PLEKHM3: variants seen among roughly 807,000 people sequenced by gnomAD.
PLEKHM3 encodes pleckstrin homology domain-containing family M member 3.
A neutral mutation model predicts 81.8 loss-of-function variants in PLEKHM3; 45 were observed. The ratio of observed to expected loss-of-function variants is 0.55; its 90% CI spans 0.43 to 0.71. The LOEUF is 0.71. PLEKHM3 is among the 30% of genes least tolerant of loss of function. The probability of loss-of-function intolerance (pLI) is 0.00; values close to 1 mark genes in which losing one functional copy is unlikely to be tolerated. For synonymous variants in PLEKHM3, 352 were observed against 356.4 expected, an observed-to-expected ratio of 0.99 and a Z score of 0.14; for missense variants, 788 against 924.3, an observed-to-expected ratio of 0.85 and a Z score of 1.91.
At chr2:207,969,921 G>C (rs1187005201) in intron 3 of PLEKHM3, among the ~76,000 whole-genome samples, 19 of 152,114 alleles carry the variant, frequency 1.2e-4, no homozygotes, top group Admixed American at 1.2e-3. Context: ...TAAAATCTTA[G>C]TGCAAAGGCT....
chr2:207,908,437 C>T (rs536547990), intron 6 of PLEKHM3, 77 bp downstream of exon 6: 185 of 1,338,186 alleles, frequency 1.4e-4, no homozygotes, highest in Middle Eastern at 3.6e-4. Context: ...TGGCAGAATA[C>T]GGTGCAAAGA....
At chr2:208,017,929 C>A (rs1222932584) in intron 1 of PLEKHM3, among the ~76,000 whole-genome samples, 1 of 152,182 alleles carries the variant, frequency 6.6e-6, no homozygotes, top group Non-Finnish European at 1.5e-5. Context: ...CCTCCCACTA[C>A]CCTCTATGGG....
In PLEKHM3 at chr2:208,001,414, A is replaced by G. The variant is rs1299583926; in HGVS notation, c.226T>C (p.Cys76Arg). 6.2e-7 allele frequency: 1 copy of G among 1,614,192 alleles called. No individual in the cohort carries two copies. Among genetic ancestry groups the G allele is most frequent in the South Asian group, 1.1e-5 (1 of 91,082 alleles). Reference protein sequence around the residue: ...LGKGGMIWDHCKSRLLETKAQ... With the variant: ...LGKGGMIWDHRKSRLLETKAQ... ...TTGGTTTCTAAGAGCCTGCTCTTAC[A>G]GTGGTCCCAAATCATGCCCCCCTTG... The change falls in exon 2 of 8, where the codon TGT becomes CGT. Residue 76 changes from cysteine (C) to arginine (R), a missense_variant. Transcript: ENST00000427836.
chr2:207,924,065 CCTG>C (rs1487263096), intron 5 of PLEKHM3, among the ~76,000 whole-genome samples: 3 of 150,566 alleles, frequency 2.0e-5, no homozygotes, highest in African/African-American at 4.9e-5. Flanking sequence ...GCCACCATGC[CCTG>C]CTAATTTTTG....
At chr2:207,830,930 A>T (rs1559198628) in intron 7 of PLEKHM3, among the ~76,000 whole-genome samples, 1 of 152,192 alleles carries the variant, frequency 6.6e-6, no homozygotes, top group Non-Finnish European at 1.5e-5. Context: ...CTTCCGTGTG[A>T]CAGTCTGAGC....
At chr2:207,981,127 C>CAAA (rs553157217) in intron 2 of PLEKHM3, among the ~76,000 whole-genome samples, 1 of 73,500 alleles carries the variant, frequency 1.4e-5, no homozygotes, top group Non-Finnish European at 2.7e-5. Context: ...GACTCCATCT[C>CAAA]AAAAAAAAAA....
chr2:207,829,710 G>C (rs1285906680), intron 7 of PLEKHM3, among the ~76,000 whole-genome samples: 1 of 152,112 alleles, frequency 6.6e-6, no homozygotes, highest in Non-Finnish European at 1.5e-5. Context: ...AGGAGCCCAG[G>C]GAATTGCACC....
chr2:207,895,753 T>C (rs1225340013), intron 6 of PLEKHM3, among the ~76,000 whole-genome samples: 2 of 152,222 alleles, frequency 1.3e-5, no homozygotes, highest in East Asian at 3.9e-4. Flanking sequence ...CTTCTGCATG[T>C]TCTTACTGGC....
At position 207,852,375 on chromosome 2, in the gene PLEKHM3, G is replaced by A. The variant is rs774966696; in HGVS notation, c.2108+8730C>T. ...AATTAGATAAGATATGTAAGTTGCT[G>A]GCACTAGTACTAATAAATGTTAGTG... On this transcript the variant is annotated intron_variant, in intron 7 of 7. Coordinates refer to ENST00000427836, the MANE Select transcript of PLEKHM3 (RefSeq NM_001080475.3). 1.2e-3 allele frequency among the ~76,000 whole-genome samples: 181 copies of A among 152,238 alleles called. 1 individual carries two copies. The highest frequency in any genetic ancestry group is 4.9e-3 in the Admixed American group (75 of 15,296).
intron 6 of PLEKHM3, among the ~76,000 whole-genome samples, chr2:207,897,994 C>G (rs1221493563): frequency 6.6e-6 from 1 of 152,198 alleles, no homozygotes; most frequent in Non-Finnish European, 1.5e-5. Flanking sequence ...TTGTGTGTGT[C>G]CACTTTCAGA....
intron 6 of PLEKHM3, among the ~76,000 whole-genome samples, chr2:207,878,751 C>T (rs1000362074): frequency 6.6e-6 from 1 of 152,176 alleles, no homozygotes; most frequent in South Asian, 2.1e-4. Flanking sequence ...CTTGGAAGTA[C>T]AGAGTAGGGA....
chr2:207,884,717 T>C (rs1172657879), intron 6 of PLEKHM3, among the ~76,000 whole-genome samples: 1 of 152,216 alleles, frequency 6.6e-6, no homozygotes, highest in Non-Finnish European at 1.5e-5. Context: ...GTTTCTCTTC[T>C]CCTACTAAAT....
At chr2:207,965,363 C>A in intron 3 of PLEKHM3, among the ~76,000 whole-genome samples, 1 of 140,646 alleles carries the variant, frequency 7.1e-6, no homozygotes, top group African/African-American at 2.6e-5. Flanking sequence ...CAAAGTATAG[C>A]AACAAAGACT....
intron 6 of PLEKHM3, among the ~76,000 whole-genome samples, chr2:207,898,421 C>A (rs902876011): frequency 2.6e-5 from 4 of 152,150 alleles, no homozygotes; most frequent in Non-Finnish European, 5.9e-5. Flanking sequence ...GAATACCAAT[C>A]AACATAGCTC....
At chr2:208,018,325 A>C (rs1417244404) in intron 1 of PLEKHM3, among the ~76,000 whole-genome samples, 1 of 149,812 alleles carries the variant, frequency 6.7e-6, no homozygotes, top group African/African-American at 2.5e-5. Flanking sequence ...GTGAGCCAAG[A>C]TCATGCCACT....
chr2:207,857,693 C>A (rs1183811432), intron 7 of PLEKHM3, among the ~76,000 whole-genome samples: 3 of 151,950 alleles, frequency 2.0e-5, no homozygotes, highest in African/African-American at 7.3e-5. Flanking sequence ...AATTTCTGTA[C>A]CTCTTTTCAT....
chr2:207,958,483 T>C (rs141360686), intron 3 of PLEKHM3, among the ~76,000 whole-genome samples: 1 of 152,204 alleles, frequency 6.6e-6, no homozygotes, highest in Non-Finnish European at 1.5e-5. Context: ...AACATGGGGC[T>C]ACCAGGATTC....
intron 5 of PLEKHM3, 116 bp from the exon 6 acceptor site, chr2:207,908,693 T>C (rs1688706666): frequency 1.2e-6 from 1 of 850,516 alleles, no homozygotes; most frequent in Admixed American, 3.0e-5. Flanking sequence ...ACTTTCCACC[T>C]ATACTTCTCC....
chr2:207,903,546 G>A (rs1170406488), intron 6 of PLEKHM3, among the ~76,000 whole-genome samples: 1 of 152,194 alleles, frequency 6.6e-6, no homozygotes, highest in African/African-American at 2.4e-5. Context: ...TGTCACAAGA[G>A]CACAGGTAGC....
Sources: allele counts gnomAD v4.1 joint callset (sites outside exome capture counted in the v4.1 genomes callset), GRCh38; gene constraint gnomAD v4.1.1; transcripts MANE v1.5; gene names NCBI Gene and HGNC (gene_info 2026-07-23, HGNC 2026-07-21).